CAMK2G: variants seen among roughly 807,000 people sequenced by gnomAD.
The protein encoded by CAMK2G is calcium/calmodulin-dependent protein kinase type II subunit gamma.
Under a neutral mutation model 88.7 loss-of-function variants are expected in CAMK2G, and 23 were observed. That is an observed-to-expected ratio of 0.26 (90% confidence interval 0.19 to 0.37). The LOEUF (loss-of-function observed/expected upper bound fraction) is 0.37, where lower values mean the gene tolerates loss of function less well. CAMK2G is among the 10% of genes least tolerant of loss of function. CAMK2G has a pLI of 1.00. For missense variants in CAMK2G, 476 were observed against 780.8 expected (o/e 0.61, Z 4.65); for synonymous variants, 263 against 294.8 (o/e 0.89, Z 1.11).
intron 2 of CAMK2G, among the ~76,000 whole-genome samples, chr10:73,862,441 G>A (rs889333200): frequency 2.0e-5 from 3 of 152,050 alleles, no homozygotes; most frequent in Non-Finnish European, 2.9e-5. Flanking sequence ...GTAAACAGGG[G>A]CTTAATAAGG....
At chr10:73,849,919 T>C (rs2094501322) in intron 5 of CAMK2G, among the ~76,000 whole-genome samples, 1 of 152,146 alleles carries the variant, frequency 6.6e-6, no homozygotes. Flanking sequence ...TAAGAAACAA[T>C]GTACTTAAGA....
intron 12 of CAMK2G, among the ~76,000 whole-genome samples, chr10:73,840,492 A>G (rs919466689): frequency 6.6e-6 from 1 of 152,208 alleles, no homozygotes; most frequent in Admixed American, 6.5e-5. Flanking sequence ...GTCAGGGCAG[A>G]AGAGGCCATC....
At chr10:73,868,540 A>G (rs2095678584) in intron 2 of CAMK2G, among the ~76,000 whole-genome samples, 1 of 152,170 alleles carries the variant, frequency 6.6e-6, no homozygotes, top group Non-Finnish European at 1.5e-5. Context: ...CAGGATGCCC[A>G]TTTCTCTGTT....
At position 73,817,557 on chromosome 10, in the gene CAMK2G, G is replaced by A. The variant is rs763785684; in HGVS notation, c.1364-3C>T. The A allele has an allele frequency of 9.3e-6, 15 of 1,607,586 alleles. No homozygotes were observed. The Admixed American group carries it at 1.7e-4, about 18-fold the overall frequency. On this transcript the variant is annotated splice_region_variant and splice_polypyrimidine_tract_variant and intron_variant, in intron 19 of 22. Coordinates refer to ENST00000423381, the MANE Select transcript of CAMK2G (RefSeq NM_001367534.1). ...CTTAATGATCTCCTGTTTTCGCACT[G>A]TGGGGGAGAAAAATCCATCAATTTA...
chr10:73,821,771 T>A, intron 17 of CAMK2G, 41 bp from the exon 18 acceptor site: 1 of 1,543,186 alleles, frequency 6.5e-7, no homozygotes, highest in Non-Finnish European at 8.9e-7. Context: ...GCTCCATCCC[T>A]TGGAAGCCAG....
rs1029146301 is a variant in CAMK2G, at chr10:73,817,057, C to T, written c.1500G>A (p.Glu500=). ...AGTAAAACTTATGGAAATCCATCCC[C>T]TCCACGAGGTTACCAAGGGCCTCAG... ...FEPEALGNLV[E]GMDFHKFYFE... The change falls in exon 21 of 23, where the codon GAG becomes GAA. Residue 500 remains glutamate, a synonymous_variant. Transcript: ENST00000423381. The T allele has an allele frequency of 5.0e-6, 8 of 1,614,120 alleles. No individual in the cohort carries two copies. The highest frequency in any genetic ancestry group is 6.8e-6 in the Non-Finnish European group (8 of 1,179,990).
In CAMK2G at chr10:73,848,337, A is replaced by G. The variant is rs924478899; in HGVS notation, c.601+189T>C. ...GGGCAAATCCCTCTCCAAGAAGGAT[A>G]CAATGTCATCCCAGAAGTACGCAGG... On this transcript the variant is annotated intron_variant, in intron 8 of 22. Transcript: ENST00000423381. The surrounding 1 kb of genome is among the most constrained non-coding windows in gnomAD (Gnocchi z 4.5). Among the ~76,000 whole-genome samples the G allele has an allele frequency of 2.0e-5, 3 of 152,240 alleles. No individual in the cohort carries two copies. Among genetic ancestry groups the G allele is most frequent in the Non-Finnish European group, 1.5e-5 (1 of 68,036 alleles).
In CAMK2G at chr10:73,846,543, C is replaced by T. The variant is rs2094252417; in HGVS notation, c.819+682G>A. ...ATGATCTTTTGGGGCAGGGACCATG[C>T]CTCATTCATCTTTGTATCTCCAGCA... is the stretch of plus-strand genomic sequence containing the variant. On this transcript the variant is annotated intron_variant, in intron 10 of 22. Transcript: ENST00000423381. 4 of 152,120 alleles carry T rather than the reference C, an allele frequency of 2.6e-5. No individual in the cohort carries two copies. The South Asian group carries it at 8.3e-4, about 32-fold the overall frequency. The allele number at this position is 152,120 out of a possible 1,614,324, so 9.4% of individuals were successfully genotyped here.
chr10:73,848,722 C>T lies in CAMK2G; in HGVS notation c.518-113G>A. 1 of 687,688 alleles carries T rather than the reference C, an allele frequency of 1.5e-6. No homozygotes were observed. Among genetic ancestry groups the T allele is most frequent in the Non-Finnish European group, 2.6e-6 (1 of 391,512 alleles). The allele number at this position is 687,688 out of a possible 1,614,324, so 42.6% of individuals were successfully genotyped here. A position where few individuals can be genotyped will look rare whatever the true frequency, so the allele number is the denominator to read the frequency against. ...ATTCCTGCTGCTTTTGCTACATAAA[C>T]TCTCAGCACATGGGCAGCAAGAGCT... On this transcript the variant is annotated intron_variant, in intron 7 of 22. Transcript: ENST00000423381. The surrounding 1 kb of genome is among the most constrained non-coding windows in gnomAD (Gnocchi z 4.5).
At position 73,825,433 on chromosome 10, in the gene CAMK2G, T is replaced by C. The variant is rs369076777; in HGVS notation, c.1087-86A>G. 2.5e-5 allele frequency: 26 copies of C among 1,052,880 alleles called. No homozygotes were observed. The East Asian group carries it at 3.1e-4, about 12-fold the overall frequency. The allele number at this position is 1,052,880 out of a possible 1,614,324, so 65.2% of individuals were successfully genotyped here. ...CTCCCAGACCTCCCTTGCCCCCTGGTCTGGCCTGGAGGAGGTAGGCCTGAG... is the reference window on the plus strand; with the variant it reads ...CTCCCAGACCTCCCTTGCCCCCTGGCCTGGCCTGGAGGAGGTAGGCCTGAG... On this transcript the variant is annotated intron_variant, in intron 15 of 22. Coordinates refer to ENST00000423381, the MANE Select transcript of CAMK2G (RefSeq NM_001367534.1).
rs760712994 is a variant in CAMK2G at position 73,847,958 on chromosome 10, G to A, written c.696+30C>T. ...AGGAGCAAGGACATCTGCCCTTCCT[G>A]GCCTGGCTGCCCGGCTCTCTGGTCC... On this transcript the variant is annotated intron_variant, in intron 9 of 22. Coordinates refer to ENST00000423381, the MANE Select transcript of CAMK2G (RefSeq NM_001367534.1). The A allele has an allele frequency of 2.9e-6, 4 of 1,372,306 alleles. No individual in the cohort carries two copies. In the Admixed American group the frequency reaches 6.7e-5, roughly 23 times the overall value. The allele number at this position is 1,372,306 out of a possible 1,614,324, so 85.0% of individuals were successfully genotyped here. A position where few individuals can be genotyped will look rare whatever the true frequency, so the allele number is the denominator to read the frequency against.
intron 3 of CAMK2G, among the ~76,000 whole-genome samples, chr10:73,859,064 A>G (rs368273094): frequency 6.6e-6 from 1 of 152,250 alleles, no homozygotes; most frequent in Non-Finnish European, 1.5e-5. Flanking sequence ...GCATAAAGGA[A>G]AGGAAGTTAC....
intron 3 of CAMK2G, among the ~76,000 whole-genome samples, chr10:73,858,336 G>C (rs2095189378): frequency 6.6e-6 from 1 of 152,322 alleles, no homozygotes; most frequent in African/African-American, 2.4e-5. Flanking sequence ...AGCCAAAAGG[G>C]TCACAGTTCT....
At chr10:73,856,428 C>G (rs1337272850) in intron 3 of CAMK2G, among the ~76,000 whole-genome samples, 1 of 152,234 alleles carries the variant, frequency 6.6e-6, no homozygotes, top group Non-Finnish European at 1.5e-5. Context: ...TCGACAATGT[C>G]CACTGGGCAG....
At chr10:73,821,908 T>C (rs895756338) in intron 17 of CAMK2G, among the ~76,000 whole-genome samples, 178 bp from the exon 18 acceptor site, 2 of 152,214 alleles carry the variant, frequency 1.3e-5, no homozygotes, top group African/African-American at 2.4e-5. Context: ...CTTCCCCCAG[T>C]TGGTAAATGC....
chr10:73,813,330 T>C lies in CAMK2G; in HGVS notation c.*1188A>G, dbSNP rs1035408842. The C allele has an allele frequency of 1.1e-4, 17 of 152,636 alleles. No homozygotes were observed. 9.5% of individuals were successfully genotyped at this position (152,636 alleles called of 1,614,324 possible). A position where few individuals can be genotyped will look rare whatever the true frequency, so the allele number is the denominator to read the frequency against. On this transcript the variant is annotated 3_prime_UTR_variant, in exon 23 of 23. Coordinates refer to ENST00000423381, the MANE Select transcript of CAMK2G (RefSeq NM_001367534.1). ...CAGTTGGTCAGTAAAGAGGCCTCTG[T>C]AAGGACACCTCTTCTTCTTGCCAGA...
At chr10:73,853,687 G>A (rs1269824109) in intron 3 of CAMK2G, among the ~76,000 whole-genome samples, 1 of 152,220 alleles carries the variant, frequency 6.6e-6, no homozygotes, top group African/African-American at 2.4e-5. Context: ...TAAGGGGTGG[G>A]GAAGAAGGTG....
rs2093859910 is a variant in CAMK2G, at chr10:73,842,329, CCT to C, written c.904-120_904-119del. On this transcript the variant is annotated intron_variant, in intron 11 of 22. Transcript: ENST00000423381. The surrounding 1 kb of genome is among the most constrained non-coding windows in gnomAD (Gnocchi z 4.6). ...GACATCAGGCCTCTGGGCCCCCTCC[CCT>C]GTGACATGTACAACCTTCAGAGCCC... 18 of 1,149,894 alleles carry C rather than the reference CCT, an allele frequency of 1.6e-5. No individual in the cohort carries two copies. The highest frequency in any genetic ancestry group is 4.0e-4 in the Middle Eastern group (2 of 5,012). 71.2% of individuals were successfully genotyped at this position (1,149,894 alleles called of 1,614,324 possible).
intron 6 of CAMK2G, 55 bp downstream of exon 6, chr10:73,849,206 C>T (rs2094455580): frequency 2.5e-6 from 4 of 1,571,556 alleles, no homozygotes; most frequent in Non-Finnish European, 3.5e-6. Flanking sequence ...CTATCTGGCA[C>T]CAGGTGGCGC....
Sources: gnomAD v4.1 joint callset for allele counts (sites outside exome capture counted in the v4.1 genomes callset) on GRCh38, gnomAD v4.1.1 for gene constraint, Gnocchi (gnomAD v3.1) non-coding constraint, MANE v1.5 for transcripts, NCBI Gene and HGNC (gene_info 2026-07-23, HGNC 2026-07-21) for gene names.